CSTPP1: variants seen among roughly 807,000 people sequenced by gnomAD.
CSTPP1 encodes the protein centriolar satellite-associated tubulin polyglutamylase complex regulator 1.
chr11:47,064,367 G>T, the CSTPP1 span, among the ~76,000 whole-genome samples: 1 of 151,874 alleles, frequency 6.6e-6, no homozygotes, highest in Non-Finnish European at 1.5e-5. Flanking sequence ...TGTGTTTTTG[G>T]TGTTATATCT....
chr11:47,155,141 C>A, the CSTPP1 span: 1 of 1,546,464 alleles, frequency 6.5e-7, no homozygotes, highest in Non-Finnish European at 8.9e-7. Flanking sequence ...ACCTCTCCCC[C>A]ATTCTCTCTC....
At chr11:47,107,424 T>TA in the CSTPP1 span, among the ~76,000 whole-genome samples, 1 of 152,178 alleles carries the variant, frequency 6.6e-6, no homozygotes. Flanking sequence ...GTTCTGTCCT[T>TA]ATGAGGTCCC....
chr11:46,986,756 CTG>C, the CSTPP1 span, among the ~76,000 whole-genome samples: 1 of 152,214 alleles, frequency 6.6e-6, no homozygotes, highest in Admixed American at 6.5e-5. Flanking sequence ...GCCTGAGCCA[CTG>C]TGCCTGGCCA....
chr11:47,132,124 A>G, the CSTPP1 span, among the ~76,000 whole-genome samples: 1 of 152,238 alleles, frequency 6.6e-6, no homozygotes. Context: ...TATAGTACCT[A>G]GCACGTAGGG....
chr11:47,081,591 A>G, the CSTPP1 span, among the ~76,000 whole-genome samples: 2 of 152,314 alleles, frequency 1.3e-5, no homozygotes, highest in East Asian at 1.9e-4. Context: ...CTTCATCACC[A>G]GCACATTTGT....
chr11:47,077,727 GAA>G, the CSTPP1 span, among the ~76,000 whole-genome samples: 1 of 152,180 alleles, frequency 6.6e-6, no homozygotes, highest in African/African-American at 2.4e-5. Flanking sequence ...AAGACAGCTA[GAA>G]AGCAATTCAG....
At chr11:47,094,385 A>G in the CSTPP1 span, among the ~76,000 whole-genome samples, 1 of 152,184 alleles carries the variant, frequency 6.6e-6, no homozygotes, top group Non-Finnish European at 1.5e-5. Flanking sequence ...AATTCTAAAG[A>G]CCTGCTCTAT....
chr11:47,023,472 A>G, the CSTPP1 span: 5 of 152,514 alleles, frequency 3.3e-5, no homozygotes, highest in South Asian at 4.1e-4. Flanking sequence ...TATTTTAACT[A>G]TTTTTAAGTG....
the CSTPP1 span, among the ~76,000 whole-genome samples, chr11:47,140,504 C>G: frequency 6.6e-6 from 1 of 152,132 alleles, no homozygotes. Context: ...CTGACTGCAG[C>G]CTTCACCCCG....
At chr11:47,131,093 G>T in the CSTPP1 span, among the ~76,000 whole-genome samples, 1 of 152,242 alleles carries the variant, frequency 6.6e-6, no homozygotes, top group South Asian at 2.1e-4. Flanking sequence ...TTTAGACTGA[G>T]CCCCATTTCA....
the CSTPP1 span, chr11:47,052,452 C>A: frequency 3.1e-6 from 5 of 1,613,972 alleles, no homozygotes; most frequent in South Asian, 4.4e-5. Context: ...CCAAGCCACC[C>A]CCCACAATAG....
At chr11:47,164,115 C>T in the CSTPP1 span, 6 of 1,612,966 alleles carry the variant, frequency 3.7e-6, no homozygotes, top group Admixed American at 3.3e-5. Flanking sequence ...GAAGCTGCAC[C>T]GGACCTCACG....
At chr11:47,082,946 G>A in the CSTPP1 span, among the ~76,000 whole-genome samples, 1 of 152,184 alleles carries the variant, frequency 6.6e-6, no homozygotes, top group Non-Finnish European at 1.5e-5. Flanking sequence ...GTAAATGTGT[G>A]CCATAGTGGT....
chr11:47,067,448 G>A, the CSTPP1 span, among the ~76,000 whole-genome samples: 2 of 152,124 alleles, frequency 1.3e-5, no homozygotes. Context: ...TACCTCCAAT[G>A]TGACTATATT....
At chr11:46,940,080 C>T in the CSTPP1 span, among the ~76,000 whole-genome samples, 1 of 152,234 alleles carries the variant, frequency 6.6e-6, no homozygotes, top group South Asian at 2.1e-4. Flanking sequence ...CCATGTTGCC[C>T]AGGCTGCTTT....
the CSTPP1 span, among the ~76,000 whole-genome samples, chr11:46,950,808 C>T: frequency 5.3e-5 from 8 of 151,962 alleles, no homozygotes; most frequent in African/African-American, 1.2e-4. Context: ...GACAGGGTTT[C>T]ACCATATTGG....
the CSTPP1 span, among the ~76,000 whole-genome samples, chr11:47,036,508 G>C: frequency 1.7e-5 from 2 of 120,424 alleles, 1 homozygote. Flanking sequence ...AGCTAGCTCA[G>C]TACATTTTAG....
the CSTPP1 span, chr11:47,164,324 A>G: frequency 3.4e-5 from 49 of 1,455,068 alleles, no homozygotes; most frequent in African/African-American, 5.8e-4. Flanking sequence ...ACAGGGAGCC[A>G]GGCCCTGCAG....
the CSTPP1 span, among the ~76,000 whole-genome samples, chr11:46,977,077 A>T: frequency 6.6e-6 from 1 of 152,214 alleles, no homozygotes; most frequent in African/African-American, 2.4e-5. Context: ...GCTCTTTCCC[A>T]TGCAGATTTG....
Sources: gnomAD v4.1 joint callset for allele counts (sites outside exome capture counted in the v4.1 genomes callset) on GRCh38, gnomAD v4.1.1 for gene constraint, MANE v1.5 for transcripts, NCBI Gene and HGNC (gene_info 2026-07-23, HGNC 2026-07-21) for gene names.